GOLGA7: variants seen among roughly 807,000 people sequenced by gnomAD.
The protein encoded by GOLGA7 is golgin A7.
In GOLGA7, 10 loss-of-function variants were observed where a neutral mutation model predicts 21.1. That is an observed-to-expected ratio of 0.47 (90% confidence interval 0.29 to 0.80). The LOEUF (loss-of-function observed/expected upper bound fraction) is 0.80. Ranked by LOEUF, GOLGA7 falls within the 30% of genes least tolerant of loss-of-function variation. The pLI is 0.08. For missense variants in GOLGA7, 114 were observed against 166.8 expected, an observed-to-expected ratio of 0.68 and a Z score of 1.74; for synonymous variants, 64 against 62.6, an observed-to-expected ratio of 1.02 and a Z score of -0.10.
intron 4 of GOLGA7, 111 bp from the exon 5 acceptor site, chr8:41,509,473 G>A (rs1026104359): frequency 6.6e-6 from 1 of 152,438 alleles, no homozygotes; most frequent in South Asian, 2.1e-4. Flanking sequence ...TTCTAGGTTA[G>A]TAGAACATAG....
chr8:41,500,116 A>G (rs1390228567), intron 2 of GOLGA7, among the ~76,000 whole-genome samples: 1 of 152,256 alleles, frequency 6.6e-6, no homozygotes, highest in Non-Finnish European at 1.5e-5. Flanking sequence ...CTGGGACATA[A>G]CGGAACAGGG....
rs745848037 is a variant in GOLGA7, at chr8:41,490,874, C to G, written c.20C>G (p.Pro7Arg). 11 of 1,597,600 alleles carry G rather than the reference C, an allele frequency of 6.9e-6. No individual in the cohort carries two copies. In the South Asian group the frequency reaches 1.2e-4, roughly 18 times the overall value. Residue 7 changes from proline to arginine, a missense_variant, in exon 1 of 5, where the codon CCG (proline) becomes CGG (arginine). Pro to Arg is a moderately radical substitution (Grantham distance 103, BLOSUM62 -2). Transcript: ENST00000357743. The stretch of plus-strand genomic sequence containing the variant: ...CTCGCCATGAGGCCGCAGCAGGCGC[C>G]GGTGTCCGGAAAGGTGTTCATTCAG... MRPQQA[P>R]VSGKVFIQRD...
intron 2 of GOLGA7, among the ~76,000 whole-genome samples, chr8:41,499,408 G>T (rs1806096318): frequency 6.6e-6 from 1 of 152,232 alleles, no homozygotes; most frequent in Non-Finnish European, 1.5e-5. Flanking sequence ...TTGCCTTGGT[G>T]TACCAGAAGA....
chr8:41,504,120 TAAAAAAAA>T (rs58682911), intron 2 of GOLGA7, among the ~76,000 whole-genome samples: 5 of 121,224 alleles, frequency 4.1e-5, no homozygotes, highest in Admixed American at 1.6e-4. Flanking sequence ...TAGAGTATAA[TAAAAAAAA>T]AAAAAAAACA....
chr8:41,504,934 A>T (rs771674757), intron 2 of GOLGA7, among the ~76,000 whole-genome samples: 4 of 152,146 alleles, frequency 2.6e-5, no homozygotes, highest in Non-Finnish European at 5.9e-5. Context: ...AGTTGTGATC[A>T]CATTTGTGAC....
At chr8:41,506,285 T>TG (rs1283350047) in intron 3 of GOLGA7, among the ~76,000 whole-genome samples, 1 of 152,066 alleles carries the variant, frequency 6.6e-6, no homozygotes, top group Non-Finnish European at 1.5e-5. Context: ...GTAGTAATAA[T>TG]GGGGGTGGTT....
Position 41,509,667 on chromosome 8 carries a change from C to T in GOLGA7, c.*99C>T, listed in dbSNP as rs1806373391. 6.6e-6 allele frequency: 1 copy of T among 152,654 alleles called. No homozygotes were observed. The highest frequency in any genetic ancestry group is 6.5e-5 in the Admixed American group (1 of 15,284). 9.5% of individuals were successfully genotyped at this position (152,654 alleles called of 1,614,324 possible). ...CTCCTCTCCAGAGCATCATTCCTTTCTATCTGCTGCCAGAGCCACGGTGCC... is the reference window on the plus strand; with the variant it reads ...CTCCTCTCCAGAGCATCATTCCTTTTTATCTGCTGCCAGAGCCACGGTGCC... On this transcript the variant is annotated 3_prime_UTR_variant, in exon 5 of 5. Coordinates refer to ENST00000357743, the MANE Select transcript of GOLGA7 (RefSeq NM_001002296.2).
Position 41,507,133 on chromosome 8 carries a change from A to G in GOLGA7, c.*15+12A>G. The stretch of plus-strand genomic sequence containing the variant: ...CCGAAGAATTAAAGGTAAATATGAA[A>G]TGATATGGCTTGTATGCAGCTTTTG... On this transcript the variant is annotated intron_variant, in intron 4 of 4. Transcript: ENST00000357743. 2.1e-6 allele frequency: 2 copies of G among 945,582 alleles called. No individual in the cohort carries two copies. Among genetic ancestry groups the G allele is most frequent in the Middle Eastern group, 2.1e-4 (1 of 4,766 alleles). The allele number at this position is 945,582 out of a possible 1,614,324, so 58.6% of individuals were successfully genotyped here.
chr8:41,497,703 G>A (rs1195497471), intron 2 of GOLGA7, 42 bp downstream of exon 2: 1 of 1,112,500 alleles, frequency 9.0e-7, no homozygotes, highest in Admixed American at 2.0e-5. Flanking sequence ...TTAAAATCAT[G>A]AAGAAGGCAA....
chr8:41,492,433 G>C (rs879827549), intron 1 of GOLGA7, among the ~76,000 whole-genome samples: 7 of 148,754 alleles, frequency 4.7e-5, no homozygotes, highest in Non-Finnish European at 9.0e-5. Flanking sequence ...AGGCCGTGGC[G>C]GGTGCATCAC....
intron 3 of GOLGA7, among the ~76,000 whole-genome samples, chr8:41,506,530 T>C (rs867556091): frequency 3.9e-5 from 6 of 152,104 alleles, no homozygotes; most frequent in African/African-American, 1.4e-4. Context: ...GTAAATAAAA[T>C]TGCAAAAAAC....
chr8:41,496,219 C>G (rs1018062184), intron 1 of GOLGA7, among the ~76,000 whole-genome samples: 7 of 152,026 alleles, frequency 4.6e-5, no homozygotes, highest in Non-Finnish European at 8.8e-5. Flanking sequence ...ATGGGAGAAT[C>G]TGGCTGTGCA....
At chr8:41,496,370 T>C (rs979246048) in intron 1 of GOLGA7, among the ~76,000 whole-genome samples, 43 of 152,224 alleles carry the variant, frequency 2.8e-4, no homozygotes, top group African/African-American at 9.9e-4. Context: ...ACTTGTGGTA[T>C]CATGTCAGTG....
chr8:41,490,778 T>C lies in GOLGA7; in HGVS notation c.-77T>C. 1.3e-6 allele frequency: 1 copy of C among 763,246 alleles called. No homozygotes were observed. Among genetic ancestry groups the C allele is most frequent in the South Asian group, 1.7e-5 (1 of 59,268 alleles). The allele number at this position is 763,246 out of a possible 1,614,324, so 47.3% of individuals were successfully genotyped here. A position where few individuals can be genotyped will look rare whatever the true frequency, so the allele number is the denominator to read the frequency against. ...GGGGCGAGGGGCTGGCGGGTCAGAG[T>C]CCCGGGTCCAGGCCGGGGCTCTGAC... is the stretch of plus-strand genomic sequence containing the variant. On this transcript the variant is annotated 5_prime_UTR_variant, in exon 1 of 5. Coordinates refer to ENST00000357743, the MANE Select transcript of GOLGA7 (RefSeq NM_001002296.2).
intron 1 of GOLGA7, 60 bp from the exon 2 acceptor site, chr8:41,497,449 C>A: frequency 3.5e-6 from 3 of 857,588 alleles, no homozygotes; most frequent in Non-Finnish European, 5.4e-6. Flanking sequence ...TTAATGATAG[C>A]ATGCATTAGT....
chr8:41,491,022 C>T, intron 1 of GOLGA7, 57 bp downstream of exon 1: 1 of 1,025,134 alleles, frequency 9.8e-7, no homozygotes, highest in South Asian at 1.4e-5. Flanking sequence ...TCACCGGGGA[C>T]GGGAAGGGTG....
intron 1 of GOLGA7, among the ~76,000 whole-genome samples, chr8:41,495,705 G>C (rs532037966): frequency 6.6e-6 from 1 of 150,742 alleles, no homozygotes; most frequent in African/African-American, 2.4e-5. Flanking sequence ...CTTCATAAAA[G>C]AGAGAATTCA....
In GOLGA7 at chr8:41,495,112, G is replaced by A. The variant is rs190444412; in HGVS notation, c.112-2397G>A. 2.8e-4 allele frequency among the ~76,000 whole-genome samples: 40 copies of A among 141,686 alleles called. No individual in the cohort carries two copies. In the East Asian group the frequency reaches 7.5e-3, roughly 27 times the overall value. 93.0% of individuals were successfully genotyped at this position (141,686 alleles called of 152,430 possible). Reference sequence around the variant, plus strand: ...CCAGCTACTCGGGAGGCTGAGACACGAGAATCACTTGATCCTGGGACCAGA... The same window carrying A: ...CCAGCTACTCGGGAGGCTGAGACACAAGAATCACTTGATCCTGGGACCAGA... On this transcript the variant is annotated intron_variant, in intron 1 of 4. Transcript: ENST00000357743.
chr8:41,503,983 G>C (rs563054417), intron 2 of GOLGA7, among the ~76,000 whole-genome samples: 91 of 144,098 alleles, frequency 6.3e-4, no homozygotes, highest in African/African-American at 2.3e-3. Flanking sequence ...GGTCGGGGGA[G>C]CGGGGAGGGA....
Sources: gnomAD v4.1 joint callset for allele counts (sites outside exome capture counted in the v4.1 genomes callset) on GRCh38, gnomAD v4.1.1 for gene constraint, MANE v1.5 for transcripts, NCBI Gene and HGNC (gene_info 2026-07-23, HGNC 2026-07-21) for gene names.